The following PRKAG2 variants were observed in gnomAD, a reference collection of about 807,000 sequenced individuals.
PRKAG2 encodes 5'-AMP-activated protein kinase subunit gamma-2.
PRKAG2 carries 26 observed loss-of-function variants against 69.6 expected under a neutral mutation model. The observed-to-expected ratio is 0.37, with a 90% CI of 0.27 to 0.52. The LOEUF is 0.52. PRKAG2 is among the 20% of genes least tolerant of loss of function. The probability of loss-of-function intolerance (pLI) is 0.90; values close to 1 mark genes in which losing one functional copy is unlikely to be tolerated. For missense variants in PRKAG2, 557 were observed against 740.0 expected (o/e 0.75, Z 2.87); for synonymous variants, 293 against 285.0 (o/e 1.03, Z -0.28).
chr7:151,774,599 G>A (rs1261483227), intron 3 of PRKAG2, among the ~76,000 whole-genome samples: 5 of 152,144 alleles, frequency 3.3e-5, no homozygotes, highest in Non-Finnish European at 7.3e-5. Flanking sequence ...TTGATGTGAG[G>A]AGTTTGAGAC....
intron 4 of PRKAG2, among the ~76,000 whole-genome samples, chr7:151,646,301 C>T (rs1194018804): frequency 6.6e-6 from 1 of 152,166 alleles, no homozygotes; most frequent in Non-Finnish European, 1.5e-5. Context: ...ATTAAGTGTT[C>T]CAATCCATGA....
At chr7:151,599,261 C>T (rs1348213832) in intron 5 of PRKAG2, among the ~76,000 whole-genome samples, 1 of 152,068 alleles carries the variant, frequency 6.6e-6, no homozygotes, top group Non-Finnish European at 1.5e-5. Flanking sequence ...TAGGAGTCAC[C>T]CTTGCCAATG....
At chr7:151,830,462 A>C (rs1472040143) in intron 1 of PRKAG2, among the ~76,000 whole-genome samples, 1 of 152,082 alleles carries the variant, frequency 6.6e-6, no homozygotes, top group East Asian at 1.9e-4. Context: ...AGCAGGCTGC[A>C]CCTGGCATCC....
At chr7:151,640,280 T>G (rs1826455212) in intron 4 of PRKAG2, among the ~76,000 whole-genome samples, 1 of 152,128 alleles carries the variant, frequency 6.6e-6, no homozygotes, top group Admixed American at 6.6e-5. Context: ...ACTGCACTCT[T>G]GCCTGAGTGA....
At chr7:151,747,014 C>T (rs911506239) in intron 3 of PRKAG2, among the ~76,000 whole-genome samples, 1 of 152,170 alleles carries the variant, frequency 6.6e-6, no homozygotes, top group African/African-American at 2.4e-5. Flanking sequence ...TTATTCGCAG[C>T]AAATTGTGAT....
At chr7:151,692,503 A>G (rs755589520) in intron 3 of PRKAG2, among the ~76,000 whole-genome samples, 4 of 152,308 alleles carry the variant, frequency 2.6e-5, no homozygotes, top group African/African-American at 4.8e-5. Flanking sequence ...GAATTGTTCT[A>G]TGTCTTGACG....
At chr7:151,731,335 A>G (rs1036725230) in intron 3 of PRKAG2, among the ~76,000 whole-genome samples, 2 of 152,188 alleles carry the variant, frequency 1.3e-5, no homozygotes, top group African/African-American at 4.8e-5. Context: ...CTCTGCAGCC[A>G]GAGAGGGGTA....
chr7:151,639,310 C>A (rs1826275077), intron 4 of PRKAG2, among the ~76,000 whole-genome samples: 1 of 152,232 alleles, frequency 6.6e-6, no homozygotes, highest in South Asian at 2.1e-4. Context: ...GCAGCTTGAG[C>A]TCCTCCAGTC....
At chr7:151,596,072 A>AT (rs1334847890) in intron 5 of PRKAG2, among the ~76,000 whole-genome samples, 32 of 152,312 alleles carry the variant, frequency 2.1e-4, no homozygotes, top group African/African-American at 7.7e-4. Context: ...CAAGACAAGA[A>AT]TGCCTGCTGT....
At chr7:151,722,012 G>T (rs1367374239) in intron 3 of PRKAG2, among the ~76,000 whole-genome samples, 3 of 152,134 alleles carry the variant, frequency 2.0e-5, no homozygotes, top group African/African-American at 7.2e-5. Context: ...TTCCTCAAGC[G>T]TGGCTGTGGC....
intron 3 of PRKAG2, among the ~76,000 whole-genome samples, chr7:151,718,451 A>G (rs914610349): frequency 3.3e-5 from 5 of 152,078 alleles, no homozygotes; most frequent in Admixed American, 6.5e-5. Flanking sequence ...TCTGGTCCAC[A>G]GCACGGCACG....
chr7:151,876,531 C>A lies in PRKAG2; in HGVS notation c.90G>T (p.Arg30Ser), dbSNP rs1268890991. ...CCGGAATGTGCACGCGCAGCGAACG[C>A]CTCTTCTGGCTGGCATTTTTCTTGC... ...SGGKKNASQKRRSLRVHIPDL... is the reference protein window; with the variant it reads ...SGGKKNASQKSRSLRVHIPDL... Residue 30 changes from arginine (R) to serine (S), a missense_variant, in exon 1 of 16, where the codon AGG becomes AGT. By Grantham distance (110) the Arg-to-Ser change is moderately radical. This residue lies in a region of PRKAG2 where 352 missense variants were observed against 356.7 expected (regional missense o/e 0.99). Coordinates refer to ENST00000287878, the MANE Select transcript of PRKAG2 (RefSeq NM_016203.4). 1.9e-6 allele frequency: 3 copies of A among 1,608,316 alleles called. No homozygotes were observed. In the East Asian group the frequency reaches 6.7e-5, roughly 36 times the overall value.
At chr7:151,651,271 C>T (rs1828446602) in intron 4 of PRKAG2, among the ~76,000 whole-genome samples, 1 of 152,128 alleles carries the variant, frequency 6.6e-6, no homozygotes, top group Non-Finnish European at 1.5e-5. Context: ...ATGACTAATG[C>T]ATGGTATTAT....
In PRKAG2 at chr7:151,750,284, G is replaced by A. The variant is rs114628237; in HGVS notation, c.466+30868C>T. 6.9e-3 allele frequency among the ~76,000 whole-genome samples: 1,052 copies of A among 152,202 alleles called. 12 individuals carry two copies. Among genetic ancestry groups the A allele is most frequent in the African/African-American group, 0.025 (1,022 of 41,522 alleles). The stretch of plus-strand genomic sequence containing the variant: ...GTATATACCCAAGAGAACTGCAAAC[G>A]GGTGTTCCAACAACTTGTACATGAA... On this transcript the variant is annotated intron_variant, in intron 3 of 15. Transcript: ENST00000287878.
rs1441127209 is a variant in PRKAG2 at position 151,556,718 on chromosome 7, T to C, written c.*483A>G. 1 of 157,408 alleles carries C rather than the reference T, an allele frequency of 6.4e-6. No homozygotes were observed. Among genetic ancestry groups the C allele is most frequent in the Admixed American group, 6.1e-5 (1 of 16,482 alleles). The allele number at this position is 157,408 out of a possible 1,614,324, so 9.8% of individuals were successfully genotyped here. A position where few individuals can be genotyped will look rare whatever the true frequency, so the allele number is the denominator to read the frequency against. ...TTATTTATATTCAAATTACAACTTT[T>C]TGACAAATCTAAAGAAAACAAACTG... On this transcript the variant is annotated 3_prime_UTR_variant, in exon 16 of 16. Coordinates refer to ENST00000287878, the MANE Select transcript of PRKAG2 (RefSeq NM_016203.4).
rs1217894001 is a variant in PRKAG2, at chr7:151,719,705, T to C, written c.467-44068A>G. 6.6e-6 allele frequency among the ~76,000 whole-genome samples: 1 copy of C among 152,164 alleles called. No individual in the cohort carries two copies. The highest frequency in any genetic ancestry group is 2.4e-5 in the African/African-American group (1 of 41,462). On this transcript the variant is annotated intron_variant, in intron 3 of 15. Transcript: ENST00000287878. The surrounding 1 kb of genome is among the most constrained non-coding windows in gnomAD (Gnocchi z 5.2). ...CGCCCACAGCACCACTGTCTTGCGATGGGCACTGTCACTCCCACCTGGCTT... is the reference window on the plus strand; with the variant it reads ...CGCCCACAGCACCACTGTCTTGCGACGGGCACTGTCACTCCCACCTGGCTT...
intron 3 of PRKAG2, among the ~76,000 whole-genome samples, chr7:151,710,694 T>G (rs1489868635): frequency 6.6e-6 from 1 of 152,210 alleles, no homozygotes; most frequent in Non-Finnish European, 1.5e-5. Context: ...CTCATTCAGC[T>G]TCATTTTTCT....
intron 1 of PRKAG2, chr7:151,806,787 A>G (rs4236432): frequency 0.81 from 277,840 of 344,358 alleles, 112,758 homozygotes; most frequent in African/African-American, 0.89. Context: ...GCAACATGGC[A>G]AAACCCTGTC....
Position 151,675,492 on chromosome 7 carries a change from G to C in PRKAG2, c.612C>G (p.Phe204Leu). The C allele has an allele frequency of 6.2e-7, 1 of 1,614,208 alleles. No homozygotes were observed. The highest frequency in any genetic ancestry group is 8.5e-7 in the Non-Finnish European group (1 of 1,180,038). Residue 204 changes from phenylalanine (F) to leucine (L), a missense_variant, in exon 4 of 16, where the codon TTC becomes TTG. Phe to Leu is a conservative substitution (Grantham distance 22). Coordinates refer to ENST00000287878, the MANE Select transcript of PRKAG2 (RefSeq NM_016203.4). ...TCGGGCTCTGGAAGGAAGACGGGCA[G>C]AACCTCTGCCCTGTGTCCGGGGGGG... ...SSSPPDTGQR[F>L]CPSSFQSPTR...
Sources: allele counts gnomAD v4.1 joint callset (sites outside exome capture counted in the v4.1 genomes callset), GRCh38; gene constraint gnomAD v4.1.1; regional missense constraint gnomAD v4.1.1; non-coding constraint Gnocchi (gnomAD v3.1); transcripts MANE v1.5; gene names NCBI Gene and HGNC (gene_info 2026-07-23, HGNC 2026-07-21).